EML6: variants seen among roughly 807,000 people sequenced by gnomAD.
The protein encoded by EML6 is EMAP like 6, also known as echinoderm microtubule-associated protein-like 6.
EML6 carries 154 observed loss-of-function variants against 240.1 expected under a neutral mutation model. The observed-to-expected ratio is 0.64, with a 90% CI of 0.56 to 0.73. EML6 has a LOEUF of 0.73. EML6 is among the 30% of genes least tolerant of loss of function. EML6 has a pLI of 0.00. For synonymous variants in EML6, 1,148 were observed against 899.0 expected (o/e 1.28, Z -4.95); for missense variants, 2,964 against 2,474.6 (o/e 1.20, Z -4.20).
At chr2:54,823,492 C>T (rs372335008) in intron 5 of EML6, among the ~76,000 whole-genome samples, 2 of 152,002 alleles carry the variant, frequency 1.3e-5, no homozygotes, top group Admixed American at 6.5e-5. Flanking sequence ...TGAAAGATGG[C>T]GGCCACAAAA....
At chr2:54,835,683 G>T (rs1669103589) in intron 7 of EML6, among the ~76,000 whole-genome samples, 1 of 152,172 alleles carries the variant, frequency 6.6e-6, no homozygotes, top group South Asian at 2.1e-4. Flanking sequence ...GCGATGGTCA[G>T]ATAGTCTAGC....
chr2:54,781,876 C>T (rs937480594), intron 2 of EML6, among the ~76,000 whole-genome samples: 1 of 152,118 alleles, frequency 6.6e-6, no homozygotes, highest in African/African-American at 2.4e-5. Flanking sequence ...GCCATGTTAG[C>T]TGGGCTGGTC....
intron 25 of EML6, among the ~76,000 whole-genome samples, chr2:54,915,096 C>T (rs1197812903): frequency 6.6e-6 from 1 of 152,174 alleles, no homozygotes; most frequent in Non-Finnish European, 1.5e-5. Context: ...CATCTTAGTT[C>T]CAGCATTTTC....
At chr2:54,917,004 G>A in intron 26 of EML6, 69 bp downstream of exon 26, 2 of 1,247,374 alleles carry the variant, frequency 1.6e-6, no homozygotes, top group Non-Finnish European at 2.2e-6. Context: ...GTATCTAAGT[G>A]CATTTTTAAA....
At chr2:54,823,673 C>T (rs867283155) in intron 5 of EML6, among the ~76,000 whole-genome samples, 2 of 151,984 alleles carry the variant, frequency 1.3e-5, no homozygotes, top group South Asian at 2.1e-4. Context: ...TGGTGGGTTT[C>T]TGGAAATCTG....
chr2:54,771,738 G>C (rs1178647255), intron 2 of EML6, among the ~76,000 whole-genome samples: 1 of 152,254 alleles, frequency 6.6e-6, no homozygotes, highest in African/African-American at 2.4e-5. Flanking sequence ...AACTGAGGTA[G>C]TGTCCATACA....
At chr2:54,745,664 A>G (rs1683879380) in intron 2 of EML6, among the ~76,000 whole-genome samples, 3 of 152,222 alleles carry the variant, frequency 2.0e-5, no homozygotes, top group South Asian at 4.1e-4. Flanking sequence ...CTCTGTGGTC[A>G]CAGCTGCTTG....
At chr2:54,925,656 G>C (rs894453961) in intron 26 of EML6, among the ~76,000 whole-genome samples, 5 of 152,048 alleles carry the variant, frequency 3.3e-5, no homozygotes, top group African/African-American at 1.2e-4. Flanking sequence ...GATCATTAGT[G>C]CCCTGACAGC....
chr2:54,967,259 CTAGTT>C lies in EML6; in HGVS notation c.5597+160_5597+164del, dbSNP rs1676788853. 7.4e-6 allele frequency: 4 copies of C among 544,160 alleles called. No homozygotes were observed. In the South Asian group the frequency reaches 8.7e-5, roughly 12 times the overall value. The allele number at this position is 544,160 out of a possible 1,614,324, so 33.7% of individuals were successfully genotyped here. On this transcript the variant is annotated intron_variant, in intron 39 of 41. Coordinates refer to ENST00000356458, the MANE Select transcript of EML6 (RefSeq NM_001039753.4). ...GAGGGTGGGAGGCTTCTTGGCTAGT[CTAGTT>C]TAGGTCACTGGCTTTGATCTGACCT...
At chr2:54,902,632 C>G in intron 22 of EML6, among the ~76,000 whole-genome samples, 1 of 152,190 alleles carries the variant, frequency 6.6e-6, no homozygotes, top group East Asian at 1.9e-4. Flanking sequence ...CTCCAGGGCT[C>G]AAGCAATCCA....
At chr2:54,803,943 A>G (rs1670324194) in intron 2 of EML6, among the ~76,000 whole-genome samples, 1 of 152,254 alleles carries the variant, frequency 6.6e-6, no homozygotes, top group Non-Finnish European at 1.5e-5. Context: ...TGATGAAATC[A>G]CATTGAATTC....
In EML6 at chr2:54,959,101, C is replaced by T. The variant is rs746254351; in HGVS notation, c.4696-3C>T. On this transcript the variant is annotated splice_polypyrimidine_tract_variant and splice_region_variant and intron_variant, in intron 33 of 41. Transcript: ENST00000356458. ...GGTGTAGAAGATGTTGTTTTGTTTA[C>T]AGAACAATCTCACTTTCACGGGTGC... is the stretch of plus-strand genomic sequence containing the variant. 1 of 1,548,558 alleles carries T rather than the reference C, an allele frequency of 6.5e-7. No homozygotes were observed. The highest frequency in any genetic ancestry group is 1.2e-5 in the South Asian group (1 of 83,434).
At chr2:54,760,822 A>ATTTTTTTT (rs200476039) in intron 2 of EML6, among the ~76,000 whole-genome samples, 3 of 120,426 alleles carry the variant, frequency 2.5e-5, no homozygotes, top group African/African-American at 6.6e-5. Context: ...TTGAGGGAGC[A>ATTTTTTTT]TTTTTTTTTT....
At position 54,847,537 on chromosome 2, in the gene EML6, G is replaced by C; in HGVS notation, c.1101G>C (p.Glu367Asp). The change falls in exon 9 of 42, where the codon GAG (glutamate) becomes GAC (aspartate). Residue 367 changes from glutamate (E) to aspartate (D), a missense_variant. By Grantham distance (45) the Glu-to-Asp change is conservative. Coordinates refer to ENST00000356458, the MANE Select transcript of EML6 (RefSeq NM_001039753.4). ...HALIARCNMEEAVRSVAFSPD... is the reference protein window; with the variant it reads ...HALIARCNMEDAVRSVAFSPD... ...TGATCGCCCGCTGTAACATGGAAGA[G>C]GCGGTTCGCAGTGTAGCTTTCAGCC... The C allele has an allele frequency of 6.4e-7, 1 of 1,552,184 alleles. No homozygotes were observed. The highest frequency in any genetic ancestry group is 8.7e-7 in the Non-Finnish European group (1 of 1,147,090).
At position 54,960,266 on chromosome 2, in the gene EML6, C is replaced by A; in HGVS notation, c.4900C>A (p.Arg1634Ser). The A allele has an allele frequency of 6.4e-7, 1 of 1,551,510 alleles. No individual in the cohort carries two copies. Among genetic ancestry groups the A allele is most frequent in the Non-Finnish European group, 8.7e-7 (1 of 1,146,934 alleles). Residue 1634 changes from arginine to serine, a missense_variant, in exon 35 of 42, where the codon CGC becomes AGC. Physicochemically the swap from Arg to Ser is moderately radical, Grantham distance 110. Coordinates refer to ENST00000356458, the MANE Select transcript of EML6 (RefSeq NM_001039753.4). The part of the protein sequence containing the change: ...AVKLWDQEMK[R>S]CRAFQLETGQ... The stretch of plus-strand genomic sequence containing the variant: ...AAAATTGTGGGACCAGGAGATGAAG[C>A]GCTGCCGGGCCTTTCAGCTGGAGAC...
At chr2:54,755,512 T>A (rs1460496444) in intron 2 of EML6, among the ~76,000 whole-genome samples, 1 of 152,244 alleles carries the variant, frequency 6.6e-6, no homozygotes, top group African/African-American at 2.4e-5. Context: ...CTCTACTTTG[T>A]TCTCTTAGTA....
chr2:54,877,325 T>C (rs897602656), intron 16 of EML6, among the ~76,000 whole-genome samples: 2 of 152,260 alleles, frequency 1.3e-5, no homozygotes, highest in East Asian at 1.9e-4. Flanking sequence ...TCTATTTCAA[T>C]TTATACCATC....
intron 26 of EML6, among the ~76,000 whole-genome samples, chr2:54,927,368 T>C (rs1318336038): frequency 6.6e-6 from 1 of 152,244 alleles, no homozygotes; most frequent in African/African-American, 2.4e-5. Flanking sequence ...CAAAACCCTC[T>C]GGGAGCCACT....
intron 17 of EML6, among the ~76,000 whole-genome samples, chr2:54,888,922 T>G (rs1326659280): frequency 6.6e-6 from 1 of 152,228 alleles, no homozygotes; most frequent in African/African-American, 2.4e-5. Flanking sequence ...TGCTTAGTTT[T>G]GTGAGAAATT....
Sources: allele counts gnomAD v4.1 joint callset (sites outside exome capture counted in the v4.1 genomes callset), GRCh38; gene constraint gnomAD v4.1.1; transcripts MANE v1.5; gene names NCBI Gene and HGNC (gene_info 2026-07-23, HGNC 2026-07-21).